The following ATP9A variants were observed in gnomAD, a reference collection of about 807,000 sequenced individuals.
ATP9A encodes the protein ATPase phospholipid transporting 9A.
ATP9A carries 52 observed loss-of-function variants against 144.1 expected under a neutral mutation model. That is an observed-to-expected ratio of 0.36 (90% CI 0.29 to 0.45). ATP9A has a LOEUF of 0.45. Among genes scored for constraint, ATP9A ranks in the 20% least tolerant of loss-of-function variants. ATP9A has a pLI of 1.00. For synonymous variants in ATP9A, 582 were observed against 557.4 expected (o/e 1.04, Z -0.62); for missense variants, 947 against 1,392.7 (o/e 0.68, Z 5.09).
chr20:51,737,110 A>G (rs2426399), intron 1 of ATP9A, among the ~76,000 whole-genome samples: 148,654 of 152,182 alleles, frequency 0.98, 72,630 homozygotes, highest in East Asian at 1. Flanking sequence ...ACTAACGGGT[A>G]GAAGCAGGAA....
intron 27 of ATP9A, among the ~76,000 whole-genome samples, chr20:51,603,710 A>G (rs1056099860): frequency 6.6e-6 from 1 of 152,122 alleles, no homozygotes; most frequent in Non-Finnish European, 1.5e-5. Context: ...GAAATCTGCC[A>G]CCACCCCACA....
At chr20:51,708,501 G>C (rs1008146869) in intron 4 of ATP9A, among the ~76,000 whole-genome samples, 1 of 152,142 alleles carries the variant, frequency 6.6e-6, no homozygotes, top group Non-Finnish European at 1.5e-5. Flanking sequence ...TTGGGAGGCC[G>C]AGGCGGGCGG....
chr20:51,734,813 C>T (rs945301652), intron 1 of ATP9A: 2 of 216,334 alleles, frequency 9.2e-6, no homozygotes, highest in Non-Finnish European at 9.9e-6. Context: ...GTGCACACGC[C>T]GAGGCTATCA....
chr20:51,716,279 T>C (rs1323807908), intron 3 of ATP9A, among the ~76,000 whole-genome samples: 1 of 152,052 alleles, frequency 6.6e-6, no homozygotes, highest in Non-Finnish European at 1.5e-5. Flanking sequence ...CCCTAACATA[T>C]TAGTACCAAG....
intron 14 of ATP9A, among the ~76,000 whole-genome samples, chr20:51,643,242 C>T (rs1230517318): frequency 1.3e-5 from 2 of 152,174 alleles, no homozygotes; most frequent in Non-Finnish European, 1.5e-5. Flanking sequence ...TGACCTCTAC[C>T]TTTCAAAGAA....
intron 14 of ATP9A, among the ~76,000 whole-genome samples, chr20:51,652,785 C>A (rs2077371691): frequency 6.6e-6 from 1 of 151,448 alleles, no homozygotes. Context: ...AATAACTGTG[C>A]AATACAAAAT....
chr20:51,726,837 C>CCAAAGT (rs544390186), intron 2 of ATP9A, among the ~76,000 whole-genome samples: 6 of 151,514 alleles, frequency 4.0e-5, no homozygotes, highest in Non-Finnish European at 7.4e-5. Context: ...CTTCAGCCTC[C>CCAAAGT]CAAAGTGTTG....
chr20:51,679,951 T>C (rs570411725), intron 9 of ATP9A, among the ~76,000 whole-genome samples: 350 of 152,302 alleles, frequency 2.3e-3, no homozygotes, highest in African/African-American at 8.0e-3. Flanking sequence ...TGTTGTGGGC[T>C]GAGCACGGTG....
intron 1 of ATP9A, among the ~76,000 whole-genome samples, chr20:51,765,977 C>T (rs752896724): frequency 7.2e-5 from 11 of 152,054 alleles, no homozygotes; most frequent in Non-Finnish European, 1.3e-4. Flanking sequence ...AAGATTAGTT[C>T]CAAAGCTGGT....
chr20:51,649,024 T>C (rs1337034342), intron 14 of ATP9A, among the ~76,000 whole-genome samples: 1 of 151,732 alleles, frequency 6.6e-6, no homozygotes, highest in Non-Finnish European at 1.5e-5. Context: ...AAAAGGCTTA[T>C]TTTCACCAAG....
At chr20:51,658,705 A>C (rs1023616534) in intron 13 of ATP9A, among the ~76,000 whole-genome samples, 16 of 151,464 alleles carry the variant, frequency 1.1e-4, no homozygotes, top group Non-Finnish European at 1.2e-4. Context: ...TTTTTAGTAG[A>C]GATGGGGTTT....
chr20:51,634,695 A>G (rs2077283442), intron 15 of ATP9A, among the ~76,000 whole-genome samples: 2 of 152,066 alleles, frequency 1.3e-5, no homozygotes, highest in Admixed American at 6.6e-5. Flanking sequence ...ATCTCTACTA[A>G]AAATACGAAA....
chr20:51,725,648 T>C (rs901079551), intron 3 of ATP9A, among the ~76,000 whole-genome samples, 171 bp downstream of exon 3: 1 of 152,204 alleles, frequency 6.6e-6, no homozygotes, highest in African/African-American at 2.4e-5. Context: ...AGGCGGTATA[T>C]GAAATGGAGC....
intron 16 of ATP9A, among the ~76,000 whole-genome samples, 166 bp from the exon 17 acceptor site, chr20:51,627,849 T>C (rs909482253): frequency 2.0e-5 from 3 of 152,056 alleles, no homozygotes; most frequent in African/African-American, 7.3e-5. Flanking sequence ...AAGCTTTCTA[T>C]AGGGGAAGTT....
In ATP9A at chr20:51,597,581, G is replaced by A. The variant is rs1246609777; in HGVS notation, c.*3630C>T. The A allele has an allele frequency of 1.3e-5, 2 of 152,090 alleles. No individual in the cohort carries two copies. Among genetic ancestry groups the A allele is most frequent in the Non-Finnish European group, 2.9e-5 (2 of 68,014 alleles). The allele number at this position is 152,090 out of a possible 1,614,324, so 9.4% of individuals were successfully genotyped here. A position where few individuals can be genotyped will look rare whatever the true frequency, so the allele number is the denominator to read the frequency against. ...CTTCAAACATACAGAAAAGGTTAAA[G>A]ATAAAAATAGCTGATAGGTGTTTAA... On this transcript the variant is annotated 3_prime_UTR_variant, in exon 28 of 28. Coordinates refer to ENST00000338821, the MANE Select transcript of ATP9A (RefSeq NM_006045.3).
chr20:51,668,600 G>C (rs1335857649), intron 13 of ATP9A, among the ~76,000 whole-genome samples: 6 of 152,080 alleles, frequency 3.9e-5, no homozygotes, highest in Non-Finnish European at 5.9e-5. Context: ...AGACAGAAAG[G>C]AAACGGGGGC....
intron 9 of ATP9A, among the ~76,000 whole-genome samples, chr20:51,682,638 T>C (rs2077505268): frequency 7.2e-6 from 1 of 139,568 alleles, no homozygotes; most frequent in Admixed American, 7.4e-5. Context: ...TGGCCCAGGT[T>C]TGGGGTGCAA....
intron 3 of ATP9A, among the ~76,000 whole-genome samples, chr20:51,724,764 G>A (rs973243986): frequency 1.7e-4 from 26 of 152,194 alleles, no homozygotes; most frequent in Middle Eastern, 3.2e-3. Context: ...AAAAGGAGGC[G>A]AGGGAAGGAA....
At chr20:51,766,850 A>C (rs756383035) in intron 1 of ATP9A, among the ~76,000 whole-genome samples, 20 of 152,180 alleles carry the variant, frequency 1.3e-4, no homozygotes, top group Admixed American at 2.0e-4. Flanking sequence ...AATAATAATA[A>C]TAATACTAAT....
Sources: allele counts gnomAD v4.1 joint callset (sites outside exome capture counted in the v4.1 genomes callset), GRCh38; gene constraint gnomAD v4.1.1; transcripts MANE v1.5; gene names NCBI Gene and HGNC (gene_info 2026-07-23, HGNC 2026-07-21).